Variants in MBNL1 observed in about 807,000 individuals in gnomAD.
MBNL1 encodes muscleblind-like protein 1.
MBNL1 carries 8 observed loss-of-function variants against 42.2 expected under a neutral mutation model. The observed-to-expected ratio is 0.19, with a 90% CI of 0.11 to 0.34. The LOEUF (loss-of-function observed/expected upper bound fraction) is 0.34. Ranked by LOEUF, MBNL1 falls within the 10% of genes least tolerant of loss-of-function variation. The pLI, the probability that MBNL1 is intolerant of heterozygous loss-of-function variation, is 1.00. For missense variants in MBNL1, 309 were observed against 495.3 expected (o/e 0.62, Z 3.57); for synonymous variants, 169 against 173.9 (o/e 0.97, Z 0.22).
Position 152,329,721 on chromosome 3 carries a change from A to T in MBNL1, c.174+29354A>T, listed in dbSNP as rs182196455. ...TATATATATATATAATATATATGTC[A>T]TATATAATATATAATATATATAAGA... is the stretch of plus-strand genomic sequence containing the variant. On this transcript the variant is annotated intron_variant, in intron 2 of 9. Transcript: ENST00000324210. Among the ~76,000 whole-genome samples, 676 of 146,526 alleles carry T rather than the reference A, an allele frequency of 4.6e-3. 3 individuals are homozygous for T. Among genetic ancestry groups the T allele is most frequent in the African/African-American group, 0.015 (607 of 40,020 alleles).
chr3:152,393,612 A>T (rs1436583437), intron 2 of MBNL1, among the ~76,000 whole-genome samples: 1 of 152,188 alleles, frequency 6.6e-6, no homozygotes, highest in East Asian at 1.9e-4. Flanking sequence ...AGTGTTTCTC[A>T]TGAAGTTACC....
At chr3:152,282,801 A>T (rs886751998) in intron 1 of MBNL1, among the ~76,000 whole-genome samples, 1 of 152,232 alleles carries the variant, frequency 6.6e-6, no homozygotes, top group South Asian at 2.1e-4. Context: ...GTAAAGAAAA[A>T]TGCCATTTTA....
chr3:152,260,508 A>G (rs543348427), intron 2 of MBNL1, among the ~76,000 whole-genome samples: 1 of 152,330 alleles, frequency 6.6e-6, no homozygotes, highest in East Asian at 1.9e-4. Flanking sequence ...GAATGTACAG[A>G]ATAGCTTTTG....
chr3:152,348,567 A>G (rs578165376), intron 2 of MBNL1, among the ~76,000 whole-genome samples: 62 of 152,256 alleles, frequency 4.1e-4, no homozygotes, highest in African/African-American at 1.4e-3. Flanking sequence ...GAATTACTCT[A>G]CATTTACAGA....
At chr3:152,325,779 G>A (rs2079461164) in intron 2 of MBNL1, among the ~76,000 whole-genome samples, 1 of 130,012 alleles carries the variant, frequency 7.7e-6, no homozygotes, top group Non-Finnish European at 1.6e-5. Context: ...TGCTCTTCCA[G>A]ATATGAACTC....
chr3:152,372,441 C>T (rs2096708824), intron 2 of MBNL1, among the ~76,000 whole-genome samples: 1 of 152,120 alleles, frequency 6.6e-6, no homozygotes, highest in Non-Finnish European at 1.5e-5. Context: ...ATTTATCTGC[C>T]TTTGGTCTTT....
intron 2 of MBNL1, among the ~76,000 whole-genome samples, chr3:152,395,152 C>T (rs1299903273): frequency 1.3e-5 from 2 of 152,182 alleles, no homozygotes; most frequent in Non-Finnish European, 2.9e-5. Flanking sequence ...AGCTACCGTG[C>T]CCGGCCTTCA....
intron 2 of MBNL1, among the ~76,000 whole-genome samples, chr3:152,384,022 C>T (rs1175004819): frequency 4.0e-5 from 6 of 151,890 alleles, no homozygotes; most frequent in Admixed American, 2.0e-4. Context: ...AATGTGTATT[C>T]GTTATTTGGG....
chr3:152,281,133 C>A (rs1395864435), intron 1 of MBNL1, among the ~76,000 whole-genome samples: 1 of 152,098 alleles, frequency 6.6e-6, no homozygotes, highest in Non-Finnish European at 1.5e-5. Context: ...TGTGTGATCC[C>A]ATAGCTCTTA....
At chr3:152,389,821 T>C (rs2097608597) in intron 2 of MBNL1, among the ~76,000 whole-genome samples, 1 of 152,210 alleles carries the variant, frequency 6.6e-6, no homozygotes, top group African/African-American at 2.4e-5. Context: ...TCTTAGGCTA[T>C]ACTAAATGTA....
At chr3:152,404,576 G>C (rs995959279) in intron 2 of MBNL1, among the ~76,000 whole-genome samples, 2 of 151,854 alleles carry the variant, frequency 1.3e-5, no homozygotes, top group South Asian at 2.1e-4. Flanking sequence ...TTTCCTCTCT[G>C]ATTTCCTTTA....
intron 2 of MBNL1, chr3:152,340,546 A>G: frequency 6.2e-7 from 1 of 1,611,232 alleles, no homozygotes. Context: ...CATGAGTCCA[A>G]GCTGAGACAT....
chr3:152,320,677 TTC>T (rs367845590), intron 2 of MBNL1, among the ~76,000 whole-genome samples: 4,880 of 150,228 alleles, frequency 0.032, 102 homozygotes, highest in Non-Finnish European at 0.05. Flanking sequence ...TATCAGTTTT[TTC>T]TTTCTTTTTT....
intron 8 of MBNL1, chr3:152,458,449 A>C (rs1425537347): frequency 2.2e-6 from 1 of 461,608 alleles, no homozygotes; most frequent in Non-Finnish European, 4.0e-6. Flanking sequence ...ATTTTATAGA[A>C]GAGACTTAAG....
intron 2 of MBNL1, among the ~76,000 whole-genome samples, chr3:152,353,984 A>G (rs1229170160): frequency 1.3e-5 from 2 of 152,224 alleles, no homozygotes; most frequent in Non-Finnish European, 2.9e-5. Context: ...TTTGGTTGCT[A>G]CATGATAGAG....
At chr3:152,286,571 A>G (rs1218940376) in intron 1 of MBNL1, among the ~76,000 whole-genome samples, 1 of 145,460 alleles carries the variant, frequency 6.9e-6, no homozygotes, top group African/African-American at 2.5e-5. Context: ...TTTTATTTAT[A>G]ATATAAATAT....
At chr3:152,298,281 T>C (rs1377463200) in intron 1 of MBNL1, among the ~76,000 whole-genome samples, 1 of 152,134 alleles carries the variant, frequency 6.6e-6, no homozygotes, top group Non-Finnish European at 1.5e-5. Context: ...ATTGGCAACA[T>C]TCAAACAAAA....
intron 4 of MBNL1, among the ~76,000 whole-genome samples, chr3:152,434,476 C>T (rs1470387183): frequency 6.6e-6 from 1 of 152,134 alleles, no homozygotes; most frequent in East Asian, 1.9e-4. Flanking sequence ...TAAGTTGATT[C>T]TATGTTTTGC....
At position 152,436,992 on chromosome 3, in the gene MBNL1, T is replaced by C. The variant is rs372644075; in HGVS notation, c.549+4072T>C. Among the ~76,000 whole-genome samples, 93 of 152,332 alleles carry C rather than the reference T, an allele frequency of 6.1e-4. No individual in the cohort carries two copies. In the South Asian group the frequency reaches 0.019, roughly 31 times the overall value. ...CGTGTGAAGCTCAGAGGCTTATCTT[T>C]CTGCTCTGTGCTTGTGATTTTAGAC... On this transcript the variant is annotated intron_variant, in intron 4 of 9. Coordinates refer to ENST00000324210, the MANE Select transcript of MBNL1 (RefSeq NM_021038.5).
Sources: gnomAD v4.1 joint callset for allele counts (sites outside exome capture counted in the v4.1 genomes callset) on GRCh38, gnomAD v4.1.1 for gene constraint, MANE v1.5 for transcripts, NCBI Gene and HGNC (gene_info 2026-07-23, HGNC 2026-07-21) for gene names.